WDPCP: variants seen among roughly 807,000 people sequenced by gnomAD.
WDPCP encodes WD repeat containing planar cell polarity effector.
WDPCP carries 71 observed loss-of-function variants against 93.1 expected under a neutral mutation model. That is an observed-to-expected ratio of 0.76 (90% CI 0.63 to 0.93). The LOEUF is 0.93. Among genes scored for constraint, WDPCP ranks in the 40% least tolerant of loss-of-function variants. WDPCP has a pLI of 0.00. For synonymous variants in WDPCP, 315 were observed against 315.0 expected (o/e 1.00, Z 0.00); for missense variants, 844 against 887.4 (o/e 0.95, Z 0.62).
At chr2:63,565,235 A>T (rs1706951031) in intron 1 of WDPCP, among the ~76,000 whole-genome samples, 3 of 152,238 alleles carry the variant, frequency 2.0e-5, no homozygotes, top group South Asian at 4.1e-4. Context: ...AGCTTGCAGG[A>T]TATTGTTTTA....
intron 14 of WDPCP, among the ~76,000 whole-genome samples, chr2:63,206,549 C>T (rs1676346780): frequency 6.6e-6 from 1 of 151,948 alleles, no homozygotes; most frequent in South Asian, 2.1e-4. Flanking sequence ...ACCTCCTGGA[C>T]TCATGCAATT....
At chr2:63,533,456 G>C (rs1336633227) in intron 1 of WDPCP, among the ~76,000 whole-genome samples, 1 of 152,104 alleles carries the variant, frequency 6.6e-6, no homozygotes, top group Admixed American at 6.5e-5. Context: ...CCACATAGTT[G>C]GAAGTAAAGC....
At chr2:63,409,175 G>A (rs2105244651) in intron 9 of WDPCP, among the ~76,000 whole-genome samples, 1 of 152,248 alleles carries the variant, frequency 6.6e-6, no homozygotes, top group East Asian at 1.9e-4. Context: ...ACCAGGACAG[G>A]CACTGGTATC....
At chr2:63,832,833 T>C (rs1467535495), upstream of WDPCP, among the ~76,000 whole-genome samples, 2 of 152,210 alleles carry the variant, frequency 1.3e-5, no homozygotes, top group Non-Finnish European at 2.9e-5. Context: ...GGGAAATAAA[T>C]ATTTAATAAG....
intron 2 of WDPCP, among the ~76,000 whole-genome samples, chr2:63,722,444 A>C (rs1325085290): frequency 8.2e-6 from 1 of 121,236 alleles, no homozygotes; most frequent in Non-Finnish European, 1.7e-5. Flanking sequence ...GGTGAGGAGC[A>C]TCTCTGCCCG....
rs1268777479 is a variant in WDPCP at position 63,822,672 on chromosome 2, G to T, written n.222+4950C>A. On this transcript the variant is annotated intron_variant and non_coding_transcript_variant, in intron 1 of 4. Coordinates refer to the WDPCP transcript ENST00000467687. ...GGGCCAAGGTGGGAGGACTGCTTGT[G>T]GCCGAAAGTTTGTGACCCGCCTGGG... Among the ~76,000 whole-genome samples the T allele has an allele frequency of 2.0e-5, 3 of 151,868 alleles. No individual in the cohort carries two copies. The East Asian group carries it at 5.8e-4, about 29-fold the overall frequency.
At chr2:63,700,279 T>G (rs1346265969) in intron 2 of WDPCP, among the ~76,000 whole-genome samples, 1 of 77,352 alleles carries the variant, frequency 1.3e-5, no homozygotes. Flanking sequence ...TGAGACCCTG[T>G]CTCAAAAAAA....
chr2:63,486,441 A>C, intron 4 of WDPCP, 101 bp downstream of exon 4: 1 of 1,089,048 alleles, frequency 9.2e-7, no homozygotes, highest in Non-Finnish European at 1.3e-6. Flanking sequence ...AATTTAAAAA[A>C]TTTGGAGGGA....
chr2:63,710,545 G>A (rs141870570), intron 2 of WDPCP, among the ~76,000 whole-genome samples: 3 of 152,222 alleles, frequency 2.0e-5, no homozygotes, highest in East Asian at 1.9e-4. Context: ...GACCCATGCC[G>A]AACCCTGACT....
chr2:63,439,989 C>T, intron 6 of WDPCP, 118 bp from the exon 7 acceptor site: 1 of 704,494 alleles, frequency 1.4e-6, no homozygotes, highest in Non-Finnish European at 2.5e-6. Flanking sequence ...ATCTACACTA[C>T]AAAATTATAA....
At chr2:63,496,895 T>C (rs931034005) in intron 1 of WDPCP, among the ~76,000 whole-genome samples, 3 of 151,890 alleles carry the variant, frequency 2.0e-5, no homozygotes, top group Non-Finnish European at 4.4e-5. Flanking sequence ...GCGGATCACT[T>C]GAGACCAAGA....
At chr2:63,673,890 A>G (rs1460109207) in intron 2 of WDPCP, among the ~76,000 whole-genome samples, 1 of 152,224 alleles carries the variant, frequency 6.6e-6, no homozygotes, top group Admixed American at 6.5e-5. Context: ...AATTGTCCTC[A>G]GGAACCTGTT....
chr2:63,817,099 C>G (rs1670942883), intron 1 of WDPCP, among the ~76,000 whole-genome samples: 1 of 150,204 alleles, frequency 6.7e-6, no homozygotes, highest in East Asian at 1.9e-4. Context: ...ACACTGCACT[C>G]AAGAGCTGCT....
chr2:63,822,756 C>T (rs569320847), intron 1 of WDPCP, among the ~76,000 whole-genome samples: 1 of 151,926 alleles, frequency 6.6e-6, no homozygotes, highest in Non-Finnish European at 1.5e-5. Context: ...TGTGGTGGCA[C>T]GCAGTGGTAG....
At chr2:63,209,761 C>T (rs1373721077) in intron 14 of WDPCP, among the ~76,000 whole-genome samples, 2 of 151,974 alleles carry the variant, frequency 1.3e-5, no homozygotes, top group African/African-American at 4.8e-5. Flanking sequence ...ATCCAAACAC[C>T]CACTAATTGG....
At chr2:63,198,105 C>G (rs901601668) in intron 14 of WDPCP, among the ~76,000 whole-genome samples, 5 of 152,134 alleles carry the variant, frequency 3.3e-5, no homozygotes, top group Admixed American at 6.5e-5. Context: ...ATCCCTCATC[C>G]TTCTGGAATT....
chr2:63,538,743 A>T (rs1467297163), intron 1 of WDPCP, among the ~76,000 whole-genome samples: 9 of 152,180 alleles, frequency 5.9e-5, no homozygotes, highest in African/African-American at 2.2e-4. Flanking sequence ...GTATTTTCAA[A>T]CTGACAAGAA....
At chr2:63,595,368 T>C in intron 3 of WDPCP, 1 of 1,075,992 alleles carries the variant, frequency 9.3e-7, no homozygotes, top group African/African-American at 1.5e-5. Flanking sequence ...AAAGACTTTC[T>C]TGTGTCTAAA....
At position 63,121,904 on chromosome 2, in the gene WDPCP, C is replaced by A; in HGVS notation, c.*102G>T. On this transcript the variant is annotated 3_prime_UTR_variant, in exon 18 of 18. Coordinates refer to ENST00000272321, the MANE Select transcript of WDPCP (RefSeq NM_015910.7). ...AAACTCTTAACTAATTTATATGATT[C>A]ATACTGTCTCTTGTTAAAAATCCAC... The A allele has an allele frequency of 1.3e-6, 2 of 1,569,828 alleles. No individual in the cohort carries two copies. Among genetic ancestry groups the A allele is most frequent in the South Asian group, 2.4e-5 (2 of 81,676 alleles).
Sources: allele counts gnomAD v4.1 joint callset (sites outside exome capture counted in the v4.1 genomes callset), GRCh38; gene constraint gnomAD v4.1.1; transcripts MANE v1.5; gene names NCBI Gene and HGNC (gene_info 2026-07-23, HGNC 2026-07-21).